RABGAP1L: variants seen among roughly 807,000 people sequenced by gnomAD.
RABGAP1L encodes the protein RAB GTPase activating protein 1 like, also known as rab GTPase-activating protein 1-like.
RABGAP1L carries 63 observed loss-of-function variants against 137.7 expected under a neutral mutation model. The observed-to-expected ratio is 0.46, with a 90% CI of 0.37 to 0.56. The LOEUF is 0.56. Among genes scored for constraint, RABGAP1L ranks in the 20% least tolerant of loss-of-function variants. The pLI is 0.00. For missense variants in RABGAP1L, 1,095 were observed against 1,244.0 expected (o/e 0.88, Z 1.80); for synonymous variants, 431 against 433.7 (o/e 0.99, Z 0.08).
rs546424838 is a variant in RABGAP1L, at chr1:174,281,043, G to A, written c.1323+2264G>A. ...GTTGTTTGATCCTCCCGGTGGGTTC[G>A]TGATCTTGCTGGCTTCAGGAGTGAA... is the stretch of plus-strand genomic sequence containing the variant. On this transcript the variant is annotated intron_variant, in intron 10 of 25. Coordinates refer to ENST00000681986, the MANE Select transcript of RABGAP1L (RefSeq NM_001366446.1). Among the ~76,000 whole-genome samples, 3 of 152,176 alleles carry A rather than the reference G, an allele frequency of 2.0e-5. No individual in the cohort carries two copies. In the East Asian group the frequency reaches 5.8e-4, roughly 29 times the overall value.
At chr1:174,547,906 G>A in intron 13 of RABGAP1L, 1 of 1,549,542 alleles carries the variant, frequency 6.5e-7, no homozygotes. Flanking sequence ...GTCTATGAAG[G>A]TCTCCATGAC....
chr1:174,509,258 A>G (rs1662113891), intron 13 of RABGAP1L, among the ~76,000 whole-genome samples: 1 of 152,198 alleles, frequency 6.6e-6, no homozygotes, highest in Non-Finnish European at 1.5e-5. Context: ...ATAAATTGTA[A>G]TACCTATTCT....
At chr1:174,635,048 TAATAA>T (rs1673846270) in intron 13 of RABGAP1L, among the ~76,000 whole-genome samples, 1 of 150,114 alleles carries the variant, frequency 6.7e-6, no homozygotes, top group Admixed American at 6.6e-5. Flanking sequence ...AATAAAATAA[TAATAA>T]AATAAAAAAA....
chr1:174,744,225 C>T (rs1397323102), intron 17 of RABGAP1L, among the ~76,000 whole-genome samples: 2 of 151,694 alleles, frequency 1.3e-5, no homozygotes, highest in African/African-American at 4.8e-5. Context: ...ATTAGCCAAC[C>T]TAAAATATTA....
At chr1:174,521,060 A>G (rs766832567) in intron 13 of RABGAP1L, among the ~76,000 whole-genome samples, 1 of 152,204 alleles carries the variant, frequency 6.6e-6, no homozygotes, top group Non-Finnish European at 1.5e-5. Flanking sequence ...ACCGTATTGA[A>G]GAACCCAGGT....
At position 174,735,612 on chromosome 1, in the gene RABGAP1L, C is replaced by CAAAAAAAA. The variant is rs59281177; in HGVS notation, c.2170-16679_2170-16672dup. Among the ~76,000 whole-genome samples, 37 of 46,152 alleles carry CAAAAAAAA rather than the reference C, an allele frequency of 8.0e-4. 1 individual carries two copies. Among genetic ancestry groups the CAAAAAAAA allele is most frequent in the Admixed American group, 2.2e-3 (6 of 2,790 alleles). 30.3% of individuals were successfully genotyped at this position (46,152 alleles called of 152,430 possible). ...GGGCAACAAGAGCAAAACTCCATCT[C>CAAAAAAAA]AAAAAAAAAAAAAAAAAAAAAAAAA... On this transcript the variant is annotated intron_variant, in intron 17 of 25. Transcript: ENST00000681986.
chr1:174,421,834 T>A (rs1651334806), intron 13 of RABGAP1L, among the ~76,000 whole-genome samples: 1 of 152,216 alleles, frequency 6.6e-6, no homozygotes, highest in Admixed American at 6.5e-5. Context: ...AGTGGCACGA[T>A]CTCGGCTCAC....
intron 11 of RABGAP1L, among the ~76,000 whole-genome samples, chr1:174,339,534 T>C (rs1443984181): frequency 6.6e-6 from 1 of 152,226 alleles, no homozygotes; most frequent in East Asian, 1.9e-4. Context: ...AAGAATATTT[T>C]TTTATATTGC....
At chr1:174,303,287 A>AT (rs1677894593) in intron 10 of RABGAP1L, among the ~76,000 whole-genome samples, 1 of 152,126 alleles carries the variant, frequency 6.6e-6, no homozygotes, top group Admixed American at 6.6e-5. Flanking sequence ...TTAAAAAAAA[A>AT]AATCCAGATT....
intron 11 of RABGAP1L, among the ~76,000 whole-genome samples, chr1:174,326,979 T>A (rs1175202261): frequency 1.3e-5 from 2 of 152,118 alleles, no homozygotes; most frequent in Non-Finnish European, 2.9e-5. Context: ...CTATTTTTTT[T>A]AAATGAAGGA....
chr1:174,242,328 A>G (rs914483836), intron 5 of RABGAP1L, among the ~76,000 whole-genome samples: 6 of 152,244 alleles, frequency 3.9e-5, no homozygotes, highest in Admixed American at 2.0e-4. Flanking sequence ...TCTTTTCTAC[A>G]TCTATTGAAT....
At chr1:174,556,487 G>C (rs1200235979) in intron 13 of RABGAP1L, among the ~76,000 whole-genome samples, 2 of 152,152 alleles carry the variant, frequency 1.3e-5, no homozygotes, top group Non-Finnish European at 2.9e-5. Context: ...TGTTTTGGTA[G>C]TCTTCTTTCC....
intron 13 of RABGAP1L, among the ~76,000 whole-genome samples, chr1:174,533,661 G>A (rs1664634445): frequency 6.6e-6 from 1 of 151,842 alleles, no homozygotes; most frequent in Non-Finnish European, 1.5e-5. Context: ...TACGAAATAC[G>A]TGTTTTTGTT....
chr1:174,871,401 A>T (rs1474227290), intron 19 of RABGAP1L, among the ~76,000 whole-genome samples: 1 of 151,508 alleles, frequency 6.6e-6, no homozygotes, highest in Non-Finnish European at 1.5e-5. Flanking sequence ...CAAAGTGCTG[A>T]GATTACAGGC....
At chr1:174,744,280 G>T (rs973217189) in intron 17 of RABGAP1L, among the ~76,000 whole-genome samples, 3 of 152,026 alleles carry the variant, frequency 2.0e-5, no homozygotes, top group Admixed American at 1.3e-4. Flanking sequence ...TAAAGTAAAA[G>T]AATTTTTGGC....
intron 13 of RABGAP1L, among the ~76,000 whole-genome samples, chr1:174,429,371 C>G (rs1652329575): frequency 1.3e-5 from 2 of 151,984 alleles, no homozygotes; most frequent in South Asian, 4.2e-4. Flanking sequence ...AAGCCCCTTT[C>G]TAGGTCTAAG....
intron 10 of RABGAP1L, among the ~76,000 whole-genome samples, chr1:174,285,587 T>G (rs922484963): frequency 1.3e-5 from 2 of 151,980 alleles, no homozygotes; most frequent in African/African-American, 4.8e-5. Context: ...TACAAACAAT[T>G]TAACTTTTTC....
rs991222026 is a variant in RABGAP1L, at chr1:174,356,186, A to G, written c.1466-14793A>G. 6.6e-5 allele frequency among the ~76,000 whole-genome samples: 10 copies of G among 152,196 alleles called. No individual in the cohort carries two copies. The East Asian group carries it at 7.7e-4, about 12-fold the overall frequency. On this transcript the variant is annotated intron_variant, in intron 11 of 25. Transcript: ENST00000681986. ...CCTTTTCAGATCTGTGCTTCTTCCT[A>G]CAGGTTTGCATGATTAATAAGGTTT...
intron 13 of RABGAP1L, among the ~76,000 whole-genome samples, chr1:174,403,865 A>G (rs1648943299): frequency 6.7e-6 from 1 of 149,388 alleles, no homozygotes; most frequent in Non-Finnish European, 1.5e-5. Flanking sequence ...TTGACTTTGT[A>G]TTGGTTATAT....
Sources: gnomAD v4.1 joint callset for allele counts (sites outside exome capture counted in the v4.1 genomes callset) on GRCh38, gnomAD v4.1.1 for gene constraint, MANE v1.5 for transcripts, NCBI Gene and HGNC (gene_info 2026-07-23, HGNC 2026-07-21) for gene names.